The following AGBL1 variants were observed in gnomAD, a reference collection of about 807,000 sequenced individuals.
AGBL1 encodes the protein cytosolic carboxypeptidase 4.
A neutral mutation model predicts 118.9 loss-of-function variants in AGBL1; 130 were observed. The ratio of observed to expected loss-of-function variants is 1.09; its 90% CI spans 0.95 to 1.26. AGBL1 has a LOEUF of 1.26. Among genes scored for constraint, AGBL1 ranks in the 50% most tolerant of loss-of-function variants. The pLI, the probability that AGBL1 is intolerant of heterozygous loss-of-function variation, is 0.00. For missense variants in AGBL1, 1,584 were observed against 1,298.1 expected, an observed-to-expected ratio of 1.22 and a Z score of -3.38; for synonymous variants, 555 against 478.9, an observed-to-expected ratio of 1.16 and a Z score of -2.08.
intron 18 of AGBL1, among the ~76,000 whole-genome samples, chr15:86,425,348 A>G (rs1189955212): frequency 1.3e-5 from 2 of 150,166 alleles, no homozygotes; most frequent in Non-Finnish European, 3.0e-5. Context: ...ATGAAAACAC[A>G]TGGACACAGG....
rs1161366393 is a variant in AGBL1 at position 86,193,889 on chromosome 15, G to A, written c.489-31025G>A. On this transcript the variant is annotated intron_variant, in intron 5 of 22. Transcript: ENST00000614907. ...ACAATCACACTGATTGGAAATGACA[G>A]AGCCTCTCTGGCAAGCCCATCAGGC... Among the ~76,000 whole-genome samples the A allele has an allele frequency of 2.0e-5, 3 of 152,308 alleles. No individual in the cohort carries two copies. In the South Asian group the frequency reaches 6.2e-4, roughly 32 times the overall value.
chr15:86,608,806 A>T lies in AGBL1; in HGVS notation c.2994+54269A>T, dbSNP rs186406817. ...AAGCTGGAAATCTGAATTTAATGTA[A>T]AATCTCCTAATTTTCAAATGTTGGC... On this transcript the variant is annotated intron_variant, in intron 21 of 22. Coordinates refer to ENST00000614907, the MANE Select transcript of AGBL1 (RefSeq NM_001386094.1). Among the ~76,000 whole-genome samples, 11 of 152,224 alleles carry T rather than the reference A, an allele frequency of 7.2e-5. 2 individuals are homozygous for T. The highest frequency in any genetic ancestry group is 2.6e-4 in the African/African-American group (11 of 41,546).
intron 21 of AGBL1, among the ~76,000 whole-genome samples, chr15:86,605,984 T>G (rs62012512): frequency 0.028 from 4,180 of 151,634 alleles, 107 homozygotes; most frequent in East Asian, 0.13. Flanking sequence ...AAAATTAGCC[T>G]GGCGTGGTGG....
chr15:86,674,975 T>C (rs2085812523), intron 22 of AGBL1, among the ~76,000 whole-genome samples: 1 of 152,150 alleles, frequency 6.6e-6, no homozygotes, highest in African/African-American at 2.4e-5. Flanking sequence ...TTTCTGAGAA[T>C]CGTGGAGATT....
intron 18 of AGBL1, among the ~76,000 whole-genome samples, chr15:86,444,141 G>T (rs142148680): frequency 6.6e-6 from 1 of 152,204 alleles, no homozygotes; most frequent in African/African-American, 2.4e-5. Context: ...TTTGATAATA[G>T]CCATTCTAAC....
At chr15:86,148,211 A>G (rs2077057620) in intron 3 of AGBL1, among the ~76,000 whole-genome samples, 1 of 152,220 alleles carries the variant, frequency 6.6e-6, no homozygotes, top group Middle Eastern at 3.2e-3. Flanking sequence ...TAAAAATCAG[A>G]GCATCTCTTC....
intron 23 of AGBL1, among the ~76,000 whole-genome samples, chr15:86,982,805 G>C (rs1050240469): frequency 1.3e-5 from 2 of 152,088 alleles, no homozygotes; most frequent in Admixed American, 1.3e-4. Context: ...TATTGGTAAG[G>C]CTTCTGGTCA....
At chr15:86,591,449 G>A (rs764826629) in intron 21 of AGBL1, among the ~76,000 whole-genome samples, 22 of 152,120 alleles carry the variant, frequency 1.4e-4, no homozygotes, top group African/African-American at 2.9e-4. Context: ...TCAGGCTTCC[G>A]GAACTTCTGA....
At chr15:86,798,198 C>T (rs1284832210) in intron 22 of AGBL1, among the ~76,000 whole-genome samples, 3 of 152,086 alleles carry the variant, frequency 2.0e-5, no homozygotes, top group Non-Finnish European at 1.5e-5. Context: ...CCGATTCCAC[C>T]ACATTTATCT....
intron 21 of AGBL1, among the ~76,000 whole-genome samples, chr15:86,567,306 C>A (rs2083930862): frequency 6.6e-6 from 1 of 152,160 alleles, no homozygotes; most frequent in Non-Finnish European, 1.5e-5. Context: ...ATAGGCTTAG[C>A]TACATCAAAG....
chr15:86,960,325 C>A (rs1306448963), intron 23 of AGBL1, among the ~76,000 whole-genome samples: 1 of 151,972 alleles, frequency 6.6e-6, no homozygotes, highest in African/African-American at 2.4e-5. Context: ...AACTTATGCT[C>A]ATATCTATAA....
At position 86,584,527 on chromosome 15, in the gene AGBL1, C is replaced by T. The variant is rs1425059194; in HGVS notation, c.2994+29990C>T. ...GTGACTTTATTCTCAGTTTTCTATT[C>T]TGTTCCATTGGTATTTATCTGTTTG... On this transcript the variant is annotated intron_variant, in intron 21 of 22. Coordinates refer to ENST00000614907, the MANE Select transcript of AGBL1 (RefSeq NM_001386094.1). 1.1e-4 allele frequency among the ~76,000 whole-genome samples: 16 copies of T among 151,976 alleles called. 1 individual carries two copies. Among genetic ancestry groups the T allele is most frequent in the Admixed American group, 8.5e-4 (13 of 15,228 alleles).
intron 19 of AGBL1, among the ~76,000 whole-genome samples, chr15:86,538,091 C>A (rs900775059): frequency 1.3e-5 from 2 of 152,154 alleles, no homozygotes; most frequent in African/African-American, 2.4e-5. Flanking sequence ...CCACTGTGGG[C>A]AGTCTCATGA....
chr15:86,723,763 TGA>T (rs1373490397), intron 22 of AGBL1, among the ~76,000 whole-genome samples: 2 of 151,812 alleles, frequency 1.3e-5, no homozygotes, highest in African/African-American at 2.4e-5. Context: ...TGAAAATTTG[TGA>T]GAGAGAAAAA....
intron 22 of AGBL1, among the ~76,000 whole-genome samples, chr15:86,779,898 A>G (rs181444333): frequency 6.8e-6 from 1 of 147,916 alleles, no homozygotes; most frequent in Non-Finnish European, 1.5e-5. Context: ...GAGTTGGAAA[A>G]GTATGTGTTG....
In AGBL1 at chr15:86,319,743, G is replaced by GTT. The variant is rs139831044; in HGVS notation, c.2374+24370_2374+24371dup. Among the ~76,000 whole-genome samples the GTT allele has an allele frequency of 3.9e-3, 184 of 47,244 alleles. 45 individuals are homozygous for GTT. The highest frequency in any genetic ancestry group is 5.7e-3 in the East Asian group (7 of 1,236). 31.0% of individuals were successfully genotyped at this position (47,244 alleles called of 152,430 possible). ...TGTACTTTGTTTTGCCTCTTTGGTAGTTTTTTTTTTTTTTTTTTTTTTTTT... is the reference window on the plus strand; with the variant it reads ...TGTACTTTGTTTTGCCTCTTTGGTAGTTTTTTTTTTTTTTTTTTTTTTTTTTT... On this transcript the variant is annotated intron_variant, in intron 17 of 22. Transcript: ENST00000614907.
At chr15:86,460,277 T>A (rs1012540555) in intron 18 of AGBL1, among the ~76,000 whole-genome samples, 37 of 126,158 alleles carry the variant, frequency 2.9e-4, no homozygotes, top group Non-Finnish European at 4.4e-4. Context: ...AGCCCAGGAG[T>A]TCCAGATCAA....
At chr15:86,159,788 C>T (rs549601754) in intron 5 of AGBL1, among the ~76,000 whole-genome samples, 1 of 152,160 alleles carries the variant, frequency 6.6e-6, no homozygotes, top group East Asian at 1.9e-4. Context: ...CATGCCCAAC[C>T]ATGATATTTT....
chr15:86,530,340 C>T (rs1456001864), intron 19 of AGBL1, among the ~76,000 whole-genome samples: 3 of 131,100 alleles, frequency 2.3e-5, no homozygotes, highest in Admixed American at 7.1e-5. Context: ...TTTAAACCAA[C>T]AAAGATCAAA....
Sources: allele counts gnomAD v4.1 joint callset (sites outside exome capture counted in the v4.1 genomes callset), GRCh38; gene constraint gnomAD v4.1.1; transcripts MANE v1.5; gene names NCBI Gene and HGNC (gene_info 2026-07-23, HGNC 2026-07-21).